RPH3A: variants seen among roughly 807,000 people sequenced by gnomAD.
The protein encoded by RPH3A is rabphilin 3A.
In RPH3A, 48 loss-of-function variants were observed where a neutral mutation model predicts 102.2. That is an observed-to-expected ratio of 0.47 (90% confidence interval 0.37 to 0.60). The LOEUF is 0.60. RPH3A is among the 20% of genes least tolerant of loss of function. RPH3A has a pLI of 0.00. For missense variants in RPH3A, 781 were observed against 910.1 expected (o/e 0.86, Z 1.83); for synonymous variants, 310 against 324.3 (o/e 0.96, Z 0.47).
chr12:112,817,524 T>C (rs557971422), intron 2 of RPH3A, among the ~76,000 whole-genome samples: 24 of 138,720 alleles, frequency 1.7e-4, no homozygotes, highest in African/African-American at 6.6e-4. Flanking sequence ...TTACAAAATA[T>C]AAATCTTTTC....
At chr12:112,866,685 GT>G (rs2042616160) in intron 6 of RPH3A, 71 bp from the exon 7 acceptor site, 1 of 1,253,978 alleles carries the variant, frequency 8.0e-7, no homozygotes, top group East Asian at 2.5e-5. Context: ...CCAAGAGAAA[GT>G]GGGGGGCTAC....
chr12:112,811,859 C>T (rs2041582183), intron 2 of RPH3A, among the ~76,000 whole-genome samples: 1 of 152,096 alleles, frequency 6.6e-6, no homozygotes, highest in African/African-American at 2.4e-5. Context: ...CACTTATTTG[C>T]TAATGTAATT....
intron 1 of RPH3A, among the ~76,000 whole-genome samples, chr12:112,644,410 C>G (rs1353161530): frequency 6.6e-6 from 1 of 152,134 alleles, no homozygotes; most frequent in Non-Finnish European, 1.5e-5. Flanking sequence ...GTTAACCTAC[C>G]TGAGGGGAGT....
chr12:112,875,902 T>C (rs16942301), intron 12 of RPH3A, among the ~76,000 whole-genome samples, 161 bp downstream of exon 12: 9 of 152,180 alleles, frequency 5.9e-5, no homozygotes, highest in African/African-American at 2.2e-4. Context: ...AGATAGTCCG[T>C]ACTAAGATTA....
chr12:112,786,993 A>G (rs2041055980), upstream of RPH3A, among the ~76,000 whole-genome samples: 1 of 152,056 alleles, frequency 6.6e-6, no homozygotes, highest in Non-Finnish European at 1.5e-5. Context: ...CTTACCTGGT[A>G]GCTTCTTCCA....
At chr12:112,847,647 G>A in intron 4 of RPH3A, 49 bp from the exon 5 acceptor site, 1 of 1,588,914 alleles carries the variant, frequency 6.3e-7, no homozygotes, top group Non-Finnish European at 8.6e-7. Flanking sequence ...GCAGGAATTT[G>A]AACTACTATT....
At chr12:112,821,623 G>A (rs1593042974) in intron 2 of RPH3A, among the ~76,000 whole-genome samples, 1 of 152,126 alleles carries the variant, frequency 6.6e-6, no homozygotes, top group East Asian at 1.9e-4. Context: ...ATCTCTCAGT[G>A]AGGCTCCCTC....
chr12:112,685,291 T>A (rs1566258277), intron 1 of RPH3A, among the ~76,000 whole-genome samples: 1 of 152,196 alleles, frequency 6.6e-6, no homozygotes, highest in Non-Finnish European at 1.5e-5. Flanking sequence ...TCTGCCCTCA[T>A]CACCTCATTA....
rs533789197 is a variant in RPH3A, at chr12:112,719,597, C to T, written c.-139-72546C>T. On this transcript the variant is annotated intron_variant, in intron 1 of 21. Coordinates refer to the RPH3A transcript ENST00000543106. ...CAGGGACCATATCTATCTTGCTTAT[C>T]ATCATAGCTCCAGCATGTAGTAGAC... Among the ~76,000 whole-genome samples the T allele has an allele frequency of 4.6e-5, 7 of 152,300 alleles. No homozygotes were observed. The South Asian group carries it at 8.3e-4, about 18-fold the overall frequency.
chr12:112,610,430 G>A (rs1015525456), intron 1 of RPH3A, among the ~76,000 whole-genome samples: 1 of 150,842 alleles, frequency 6.6e-6, no homozygotes, highest in African/African-American at 2.4e-5. Flanking sequence ...TTGAACCCAG[G>A]AGGTGGAGGT....
chr12:112,755,349 A>G (rs1192986161), intron 1 of RPH3A, among the ~76,000 whole-genome samples: 2 of 151,380 alleles, frequency 1.3e-5, no homozygotes. Context: ...ATACATATGC[A>G]TACCTTGTTA....
At chr12:112,884,958 T>C (rs2042980400) in intron 16 of RPH3A, among the ~76,000 whole-genome samples, 1 of 152,250 alleles carries the variant, frequency 6.6e-6, no homozygotes, top group South Asian at 2.1e-4. Context: ...TTTATATAAA[T>C]GAAATTTTAT....
intron 2 of RPH3A, among the ~76,000 whole-genome samples, chr12:112,796,600 G>A (rs573884294): frequency 4.6e-5 from 7 of 152,356 alleles, no homozygotes; most frequent in African/African-American, 1.7e-4. Flanking sequence ...TTGGTGAAAG[G>A]TTTGAAAGGA....
At chr12:112,675,345 G>A (rs772330551) in intron 1 of RPH3A, among the ~76,000 whole-genome samples, 14 of 152,092 alleles carry the variant, frequency 9.2e-5, no homozygotes, top group Non-Finnish European at 1.8e-4. Context: ...TGCCACTCTC[G>A]GAAGGTATTT....
intron 1 of RPH3A, among the ~76,000 whole-genome samples, chr12:112,773,277 C>A (rs999732816): frequency 6.6e-6 from 1 of 152,010 alleles, no homozygotes; most frequent in African/African-American, 2.4e-5. Context: ...AACCCCATCC[C>A]TTTTGTTGAA....
intron 1 of RPH3A, among the ~76,000 whole-genome samples, chr12:112,752,255 T>A (rs779600012): frequency 3.3e-5 from 5 of 152,200 alleles, no homozygotes; most frequent in Non-Finnish European, 7.4e-5. Flanking sequence ...TTTTCACTAT[T>A]TCCCACAAAT....
chr12:112,675,694 C>A (rs566232536), intron 1 of RPH3A, among the ~76,000 whole-genome samples: 1 of 152,224 alleles, frequency 6.6e-6, no homozygotes, highest in East Asian at 1.9e-4. Flanking sequence ...TGCTTTATGA[C>A]TCTGGTTGTA....
intron 1 of RPH3A, among the ~76,000 whole-genome samples, chr12:112,636,429 G>A (rs1672289046): frequency 6.6e-6 from 1 of 152,166 alleles, no homozygotes; most frequent in Admixed American, 6.5e-5. Context: ...TCAACTTGAG[G>A]CAAAATTACC....
At chr12:112,692,991 G>A (rs913702263) in intron 1 of RPH3A, among the ~76,000 whole-genome samples, 3 of 152,202 alleles carry the variant, frequency 2.0e-5, no homozygotes, top group Admixed American at 6.5e-5. Context: ...AATACAAAGA[G>A]TTTGGAAATG....
Sources: gnomAD v4.1 joint callset for allele counts (sites outside exome capture counted in the v4.1 genomes callset) on GRCh38, gnomAD v4.1.1 for gene constraint, MANE v1.5 for transcripts, NCBI Gene and HGNC (gene_info 2026-07-23, HGNC 2026-07-21) for gene names.